Variants in FRMD3 observed in about 807,000 individuals in gnomAD.
FRMD3 encodes the protein FERM domain-containing protein 3.
Under a neutral mutation model 70.2 loss-of-function variants are expected in FRMD3, and 33 were observed. The ratio of observed to expected loss-of-function variants is 0.47; its 90% CI spans 0.36 to 0.63. The LOEUF (loss-of-function observed/expected upper bound fraction) is 0.63. Among genes scored for constraint, FRMD3 ranks in the 20% least tolerant of loss-of-function variants. FRMD3 has a pLI of 0.00. For missense variants in FRMD3, 632 were observed against 711.4 expected (o/e 0.89, Z 1.27); for synonymous variants, 279 against 255.9 (o/e 1.09, Z -0.86).
rs1826004412 is a variant in FRMD3, at chr9:83,403,242, A to G, written c.148-13534T>C. 2.0e-5 allele frequency among the ~76,000 whole-genome samples: 3 copies of G among 151,934 alleles called. No homozygotes were observed. The South Asian group carries it at 6.2e-4, about 32-fold the overall frequency. On this transcript the variant is annotated intron_variant, in intron 1 of 13. Coordinates refer to ENST00000304195, the MANE Select transcript of FRMD3 (RefSeq NM_174938.6). ...TCAAAAACTCCAAATTCCCTCCCCCAGGCCAAACCCATAAGGCACTATCTT... is the reference window on the plus strand; with the variant it reads ...TCAAAAACTCCAAATTCCCTCCCCCGGGCCAAACCCATAAGGCACTATCTT...
chr9:83,508,491 A>C (rs1829257016), intron 1 of FRMD3, among the ~76,000 whole-genome samples: 1 of 152,222 alleles, frequency 6.6e-6, no homozygotes. Flanking sequence ...ATGGTTTGTG[A>C]GTGCACACTG....
chr9:83,555,393 A>G, the FRMD3 span, among the ~76,000 whole-genome samples: 1 of 152,006 alleles, frequency 6.6e-6, no homozygotes, highest in South Asian at 2.1e-4. Context: ...TTAAAGCAGC[A>G]GTCTGGCCAA....
At chr9:83,461,052 A>G (rs970176472) in intron 1 of FRMD3, among the ~76,000 whole-genome samples, 9 of 152,168 alleles carry the variant, frequency 5.9e-5, no homozygotes, top group African/African-American at 9.7e-5. Flanking sequence ...AGGAAGAGCA[A>G]TGGCCCCAAA....
chr9:83,259,648 T>G (rs546770525), intron 13 of FRMD3, among the ~76,000 whole-genome samples: 1 of 152,268 alleles, frequency 6.6e-6, no homozygotes, highest in East Asian at 1.9e-4. Context: ...CACCTCAGGA[T>G]GGTAGCGAGA....
intron 13 of FRMD3, among the ~76,000 whole-genome samples, chr9:83,264,450 C>T (rs541120809): frequency 3.9e-5 from 6 of 152,238 alleles, no homozygotes; most frequent in South Asian, 2.1e-4. Flanking sequence ...CTAACGCAAA[C>T]GATCAACTTT....
intron 1 of FRMD3, among the ~76,000 whole-genome samples, chr9:83,465,119 C>T (rs1193440627): frequency 2.0e-5 from 3 of 152,040 alleles, no homozygotes; most frequent in Admixed American, 2.0e-4. Context: ...CTGAACTGGC[C>T]CTTCATTCTG....
intron 1 of FRMD3, among the ~76,000 whole-genome samples, chr9:83,396,886 C>T (rs910802132): frequency 3.9e-5 from 6 of 152,210 alleles, no homozygotes. Context: ...ATCAATGCCT[C>T]AGGCCAAGAA....
At chr9:83,572,868 A>C in the FRMD3 span, among the ~76,000 whole-genome samples, 1 of 152,242 alleles carries the variant, frequency 6.6e-6, no homozygotes, top group Non-Finnish European at 1.5e-5. Context: ...TGAAATATTC[A>C]ATAAAAAATA....
intron 7 of FRMD3, among the ~76,000 whole-genome samples, chr9:83,312,779 C>T (rs1438442728): frequency 6.6e-6 from 1 of 152,042 alleles, no homozygotes; most frequent in East Asian, 1.9e-4. Flanking sequence ...CCCCGCCCTC[C>T]TCCCCAGCAG....
At chr9:83,332,080 G>C (rs1252352549) in intron 6 of FRMD3, 3 of 572,398 alleles carry the variant, frequency 5.2e-6, no homozygotes, top group Non-Finnish European at 9.3e-6. Flanking sequence ...GCACAGAGCA[G>C]AGTCAAGAAG....
At chr9:83,480,320 G>A (rs1296036198) in intron 1 of FRMD3, among the ~76,000 whole-genome samples, 1 of 152,104 alleles carries the variant, frequency 6.6e-6, no homozygotes, top group African/African-American at 2.4e-5. Flanking sequence ...ATATTGTACA[G>A]TCAGCCCTCC....
At chr9:83,343,594 C>T (rs530226690) in intron 4 of FRMD3, among the ~76,000 whole-genome samples, 1 of 152,338 alleles carries the variant, frequency 6.6e-6, no homozygotes, top group South Asian at 2.1e-4. Context: ...CTCCTGGCAG[C>T]AGCTCCCGCA....
intron 1 of FRMD3, among the ~76,000 whole-genome samples, chr9:83,412,743 C>T (rs781011769): frequency 1.3e-5 from 2 of 152,128 alleles, no homozygotes; most frequent in South Asian, 2.1e-4. Flanking sequence ...GCCTGTAATC[C>T]CAGCATTTTG....
At chr9:83,533,061 CCTT>C (rs1829821763) in intron 1 of FRMD3, among the ~76,000 whole-genome samples, 7 of 152,114 alleles carry the variant, frequency 4.6e-5, no homozygotes, top group Admixed American at 4.6e-4. Flanking sequence ...TAATAAGTGT[CCTT>C]ATTATTTAGG....
chr9:83,575,724 A>T, the FRMD3 span, among the ~76,000 whole-genome samples: 1 of 152,232 alleles, frequency 6.6e-6, no homozygotes, highest in African/African-American at 2.4e-5. Context: ...AATCTGAATA[A>T]ACCTATAACA....
intron 6 of FRMD3, among the ~76,000 whole-genome samples, chr9:83,322,295 T>C (rs1031998448): frequency 6.6e-5 from 10 of 152,058 alleles, no homozygotes; most frequent in African/African-American, 2.4e-4. Flanking sequence ...CAAGGTCAAA[T>C]GGCAGTCCAT....
intron 1 of FRMD3, among the ~76,000 whole-genome samples, chr9:83,533,862 A>G (rs1352538482): frequency 1.3e-5 from 2 of 152,192 alleles, no homozygotes; most frequent in South Asian, 2.1e-4. Flanking sequence ...GCCAATTCCA[A>G]CTATGTCAGC....
intron 1 of FRMD3, among the ~76,000 whole-genome samples, chr9:83,507,993 C>T (rs1829243596): frequency 6.6e-6 from 1 of 151,886 alleles, no homozygotes; most frequent in Non-Finnish European, 1.5e-5. Context: ...GTGAGTAACA[C>T]ATTGAGCTAC....
chr9:83,391,105 C>T (rs1426177875), intron 1 of FRMD3, among the ~76,000 whole-genome samples: 1 of 152,168 alleles, frequency 6.6e-6, no homozygotes, highest in Admixed American at 6.5e-5. Context: ...GGTTTATAAG[C>T]ACATAGTGTG....
Sources: allele counts gnomAD v4.1 joint callset (sites outside exome capture counted in the v4.1 genomes callset), GRCh38; gene constraint gnomAD v4.1.1; transcripts MANE v1.5; gene names NCBI Gene and HGNC (gene_info 2026-07-23, HGNC 2026-07-21).